The following DCAF6 variants were observed in gnomAD, a reference collection of about 807,000 sequenced individuals.
DCAF6 encodes DDB1- and CUL4-associated factor 6.
A neutral mutation model predicts 125.1 loss-of-function variants in DCAF6; 54 were observed. The ratio of observed to expected loss-of-function variants is 0.43; its 90% CI spans 0.35 to 0.54. DCAF6 has a LOEUF of 0.54. Among genes scored for constraint, DCAF6 ranks in the 20% least tolerant of loss-of-function variants. The pLI is 0.01. For missense variants in DCAF6, 934 were observed against 1,161.7 expected, an observed-to-expected ratio of 0.80 and a Z score of 2.85; for synonymous variants, 371 against 390.4, an observed-to-expected ratio of 0.95 and a Z score of 0.58.
chr1:167,962,656 T>A (rs1675796026), intron 2 of DCAF6, among the ~76,000 whole-genome samples: 1 of 152,206 alleles, frequency 6.6e-6, no homozygotes, highest in Non-Finnish European at 1.5e-5. Flanking sequence ...ACTCTGACAG[T>A]CTCTGTCTTA....
At chr1:167,918,591 A>C in the DCAF6 span, among the ~76,000 whole-genome samples, 1 of 144,162 alleles carries the variant, frequency 6.9e-6, no homozygotes, top group Non-Finnish European at 1.5e-5. Context: ...CAACTGCCAA[A>C]AACTTTTTTT....
the DCAF6 span, among the ~76,000 whole-genome samples, chr1:167,887,484 G>C: frequency 6.6e-6 from 1 of 152,100 alleles, no homozygotes; most frequent in African/African-American, 2.4e-5. Context: ...TCATAGGTGG[G>C]AATTGAACAA....
chr1:167,915,164 G>A, the DCAF6 span, among the ~76,000 whole-genome samples: 5 of 152,056 alleles, frequency 3.3e-5, no homozygotes, highest in Admixed American at 1.3e-4. Context: ...GATTTTATAA[G>A]TTAAAAAAGA....
At chr1:167,864,524 G>A in the DCAF6 span, among the ~76,000 whole-genome samples, 6 of 151,702 alleles carry the variant, frequency 4.0e-5, no homozygotes, top group Admixed American at 6.6e-5. Context: ...GACCCCCTTC[G>A]CCCCCACAGT....
At chr1:168,042,973 G>A (rs1688733485) in intron 13 of DCAF6, 52 bp from the exon 14 acceptor site, 1 of 1,333,560 alleles carries the variant, frequency 7.5e-7, no homozygotes, top group Non-Finnish European at 1.1e-6. Flanking sequence ...AATCCTAAAA[G>A]ATCATATTGA....
At chr1:168,029,076 A>G (rs1299829869) in intron 12 of DCAF6, among the ~76,000 whole-genome samples, 2 of 152,176 alleles carry the variant, frequency 1.3e-5, no homozygotes, top group Non-Finnish European at 2.9e-5. Context: ...GTTCCAATTA[A>G]TGATATATTT....
At chr1:167,975,295 C>T (rs1341694729) in intron 4 of DCAF6, among the ~76,000 whole-genome samples, 1 of 152,156 alleles carries the variant, frequency 6.6e-6, no homozygotes, top group Non-Finnish European at 1.5e-5. Flanking sequence ...AGACGTTTAC[C>T]TTTAAAGATA....
chr1:167,967,019 C>G (rs919513610), intron 3 of DCAF6, among the ~76,000 whole-genome samples: 7 of 151,974 alleles, frequency 4.6e-5, no homozygotes, highest in African/African-American at 1.7e-4. Context: ...GAAAATGTGC[C>G]ATAAATAAAG....
chr1:167,963,344 C>T (rs1484315405), intron 2 of DCAF6, among the ~76,000 whole-genome samples: 6 of 151,192 alleles, frequency 4.0e-5, no homozygotes, highest in African/African-American at 1.5e-4. Flanking sequence ...ATTAATATTT[C>T]CTATATTTGT....
At chr1:168,048,214 T>C (rs1299404137) in intron 16 of DCAF6, among the ~76,000 whole-genome samples, 1 of 152,168 alleles carries the variant, frequency 6.6e-6, no homozygotes. Context: ...ATGGATGAAA[T>C]GCCCACCTAA....
At chr1:167,966,600 C>T (rs1462787500) in intron 2 of DCAF6, 29 bp from the exon 3 acceptor site, 3 of 1,403,378 alleles carry the variant, frequency 2.1e-6, no homozygotes, top group Admixed American at 1.8e-5. Context: ...GTCCAATTTG[C>T]TTATATTTCT....
chr1:167,873,438 G>C, the DCAF6 span, among the ~76,000 whole-genome samples: 3 of 152,174 alleles, frequency 2.0e-5, no homozygotes, highest in Admixed American at 6.5e-5. Context: ...GTGTGAGACA[G>C]AGCCTCCTCT....
At chr1:167,903,990 A>G in the DCAF6 span, 1 of 1,608,936 alleles carries the variant, frequency 6.2e-7, no homozygotes, top group Non-Finnish European at 8.5e-7. Context: ...TTGCAGTAAA[A>G]CCTGGAATAA....
intron 3 of DCAF6, among the ~76,000 whole-genome samples, chr1:167,971,507 G>C (rs967648132): frequency 6.6e-6 from 1 of 152,106 alleles, no homozygotes; most frequent in South Asian, 2.1e-4. Flanking sequence ...TTTACCAAGG[G>C]ATTAAAAAAC....
the DCAF6 span, chr1:167,917,597 CAA>C: frequency 1.9e-4 from 15 of 79,774 alleles, no homozygotes; most frequent in African/African-American, 3.0e-4. Flanking sequence ...GACCCTGTCT[CAA>C]AAAAAAAAAA....
the DCAF6 span, among the ~76,000 whole-genome samples, chr1:167,876,185 A>G: frequency 6.6e-6 from 1 of 151,662 alleles, no homozygotes; most frequent in Non-Finnish European, 1.5e-5. Context: ...TGAACCCAAG[A>G]GACAGAGGTT....
At chr1:167,932,175 C>T (rs115525887), upstream of DCAF6, among the ~76,000 whole-genome samples, 993 of 152,274 alleles carry the variant, frequency 6.5e-3, 9 homozygotes, top group African/African-American at 0.022. Flanking sequence ...AGTTTTTAGA[C>T]TCTTTAGAGC....
At chr1:167,900,086 C>T in the DCAF6 span, among the ~76,000 whole-genome samples, 1 of 152,194 alleles carries the variant, frequency 6.6e-6, no homozygotes, top group African/African-American at 2.4e-5. Flanking sequence ...CACATCCCAT[C>T]CCAACAACCA....
chr1:167,920,304 A>C, the DCAF6 span, among the ~76,000 whole-genome samples: 12 of 152,204 alleles, frequency 7.9e-5, no homozygotes, highest in African/African-American at 2.4e-4. Context: ...TATTAACTGT[A>C]ATTTTCTTCC....
Sources: gnomAD v4.1 joint callset for allele counts (sites outside exome capture counted in the v4.1 genomes callset) on GRCh38, gnomAD v4.1.1 for gene constraint, MANE v1.5 for transcripts, NCBI Gene and HGNC (gene_info 2026-07-23, HGNC 2026-07-21) for gene names.